Variants in MCRIP2 observed in about 807,000 individuals in gnomAD.
MCRIP2 encodes the protein MAPK regulated corepressor interacting protein 2.
A neutral mutation model predicts 23.2 loss-of-function variants in MCRIP2; 21 were observed. The ratio of observed to expected loss-of-function variants is 0.90; its 90% CI spans 0.64 to 1.30. The LOEUF (loss-of-function observed/expected upper bound fraction) is 1.30. Among genes scored for constraint, MCRIP2 ranks in the 50% most tolerant of loss-of-function variants. MCRIP2 has a pLI of 0.00. For missense variants in MCRIP2, 234 were observed against 223.2 expected (o/e 1.05, Z -0.31); for synonymous variants, 121 against 100.2 (o/e 1.21, Z -1.24).
intron 2 of MCRIP2, among the ~76,000 whole-genome samples, chr16:643,531 CTGT>C (rs1376341213): frequency 6.8e-6 from 1 of 146,760 alleles, no homozygotes; most frequent in Non-Finnish European, 1.5e-5. Context: ...GGCCCACTGG[CTGT>C]TGTCTCTTTT....
intron 2 of MCRIP2, chr16:643,043 G>C (rs57929030): frequency 0.017 from 2,621 of 152,456 alleles, 58 homozygotes; most frequent in African/African-American, 0.056. Context: ...AGCTACAGGT[G>C]GGGGGGTGCC....
chr16:642,858 G>A (rs1388025775), intron 2 of MCRIP2: 4 of 152,346 alleles, frequency 2.6e-5, no homozygotes, highest in African/African-American at 9.6e-5. Context: ...AGCCCCGCAG[G>A]GCTGGACGTT....
At chr16:647,907 C>T in intron 4 of MCRIP2, 23 bp downstream of exon 4, 2 of 1,394,608 alleles carry the variant, frequency 1.4e-6, no homozygotes, top group Non-Finnish European at 2.0e-6. Context: ...ACCCTGTCCC[C>T]CCAGGAGAGA....
chr16:642,108 C>T lies in MCRIP2; in HGVS notation c.53-12C>T, dbSNP rs1277738492. 6 of 1,337,182 alleles carry T rather than the reference C, an allele frequency of 4.5e-6. No individual in the cohort carries two copies. Among genetic ancestry groups the T allele is most frequent in the South Asian group, 3.7e-5 (2 of 53,896 alleles). 82.8% of individuals were successfully genotyped at this position (1,337,182 alleles called of 1,614,324 possible). A position where few individuals can be genotyped will look rare whatever the true frequency, so the allele number is the denominator to read the frequency against. ...GGCGCGGCGGCGGCTGACCGCCCCC[C>T]GGTGCCCGCAGGTCCCACGCAGCAG... On this transcript the variant is annotated splice_polypyrimidine_tract_variant and intron_variant, in intron 1 of 4. Transcript: ENST00000307650.
At chr16:645,643 A>T (rs1023282862) in intron 2 of MCRIP2, 6 of 152,246 alleles carry the variant, frequency 3.9e-5, no homozygotes, top group African/African-American at 1.2e-4. Context: ...AAGTAATAAG[A>T]TGAAACGGGG....
At position 644,673 on chromosome 16, in the gene MCRIP2, C is replaced by T. The variant is rs551328207; in HGVS notation, c.182+2424C>T. On this transcript the variant is annotated intron_variant, in intron 2 of 4. Coordinates refer to ENST00000307650, the MANE Select transcript of MCRIP2 (RefSeq NM_138418.4). ...CAGGGTAGTATTCAATTCCTGGGCT[C>T]GAGCAATTCTCCCGCCTTGGCCTGT... Among the ~76,000 whole-genome samples the T allele has an allele frequency of 7.9e-5, 12 of 152,214 alleles. No homozygotes were observed. In the South Asian group the frequency reaches 1.0e-3, roughly 13 times the overall value.
chr16:642,234 C>T lies in MCRIP2; in HGVS notation c.167C>T (p.Pro56Leu). The T allele has an allele frequency of 8.2e-7, 1 of 1,217,240 alleles. No homozygotes were observed. The highest frequency in any genetic ancestry group is 1.0e-6 in the Non-Finnish European group (1 of 979,514). 75.4% of individuals were successfully genotyped at this position (1,217,240 alleles called of 1,614,324 possible). A position where few individuals can be genotyped will look rare whatever the true frequency, so the allele number is the denominator to read the frequency against. ...RAQPFAQPPG[P>L]WPLSSPGPRL... is the part of the protein sequence containing the mutation. ...CAGCCCTTTGCGCAGCCGCCGGGACCCTGGCCCCTGTCGAGGTGAGACGCG... is the reference window on the plus strand; with the variant it reads ...CAGCCCTTTGCGCAGCCGCCGGGACTCTGGCCCCTGTCGAGGTGAGACGCG... The change falls in exon 2 of 5, where the codon CCC (proline) becomes CTC (leucine). Residue 56 changes from proline to leucine, a missense_variant. Physicochemically the swap from Pro to Leu is moderately conservative, Grantham distance 98 (BLOSUM62 -3). Transcript: ENST00000307650.
intron 3 of MCRIP2, 31 bp from the exon 4 acceptor site, chr16:647,752 C>A: frequency 6.5e-7 from 1 of 1,544,364 alleles, no homozygotes; most frequent in Non-Finnish European, 8.8e-7. Context: ...TGCCTGGGAC[C>A]TGGCTCAGCC....
chr16:643,696 C>T (rs2037407574), intron 2 of MCRIP2, among the ~76,000 whole-genome samples: 1 of 151,734 alleles, frequency 6.6e-6, no homozygotes, highest in African/African-American at 2.4e-5. Flanking sequence ...AGGTGCGTGC[C>T]ACCATGCCCG....
intron 2 of MCRIP2, chr16:642,457 G>C: frequency 3.1e-6 from 1 of 327,580 alleles, no homozygotes; most frequent in Non-Finnish European, 4.9e-6. Flanking sequence ...CACCTGGCCG[G>C]GCCCGGGCCC....
chr16:648,247 G>A lies in MCRIP2; in HGVS notation c.*57G>A. The A allele has an allele frequency of 6.5e-7, 1 of 1,530,420 alleles. No homozygotes were observed. 94.8% of individuals were successfully genotyped at this position (1,530,420 alleles called of 1,614,324 possible). A position where few individuals can be genotyped will look rare whatever the true frequency, so the allele number is the denominator to read the frequency against. Reference sequence around the variant, plus strand: ...CGACCTGTCGCCAGGAGAGAAGCATGGCGCCCTGCCCACCCACTGCGCCTG... The same window carrying A: ...CGACCTGTCGCCAGGAGAGAAGCATAGCGCCCTGCCCACCCACTGCGCCTG... On this transcript the variant is annotated 3_prime_UTR_variant, in exon 5 of 5. Transcript: ENST00000307650.
At chr16:643,024 GT>G (rs1344935507) in intron 2 of MCRIP2, 1 of 152,524 alleles carries the variant, frequency 6.6e-6, no homozygotes, top group Non-Finnish European at 1.5e-5. Context: ...CGGGCCAGGA[GT>G]TCAGGGCAGC....
At position 641,842 on chromosome 16, in the gene MCRIP2, G is replaced by A. The variant is rs913271400; in HGVS notation, c.-150G>A. On this transcript the variant is annotated 5_prime_UTR_variant, in exon 1 of 5. Transcript: ENST00000307650. Reference sequence around the variant, plus strand: ...GCGCCGCCTCCGCCGCGTGTCCGGGGTCAGCCCGAGCCCGTGCGGGCCCTT... The same window carrying A: ...GCGCCGCCTCCGCCGCGTGTCCGGGATCAGCCCGAGCCCGTGCGGGCCCTT... 33 of 665,290 alleles carry A rather than the reference G, an allele frequency of 5.0e-5. No individual in the cohort carries two copies. The highest frequency in any genetic ancestry group is 6.7e-5 in the Non-Finnish European group (32 of 478,568). The allele number at this position is 665,290 out of a possible 1,614,324, so 41.2% of individuals were successfully genotyped here.
chr16:647,933 G>T (rs777421830), intron 4 of MCRIP2, 49 bp downstream of exon 4: 3 of 1,267,428 alleles, frequency 2.4e-6, no homozygotes, highest in East Asian at 2.6e-5. Context: ...CAGCCCCTCT[G>T]ATCCTGACCC....
rs1013490705 is a variant in MCRIP2, at chr16:643,757, C to T, written c.182+1508C>T. Among the ~76,000 whole-genome samples, 7 of 152,116 alleles carry T rather than the reference C, an allele frequency of 4.6e-5. No homozygotes were observed. In the East Asian group the frequency reaches 7.7e-4, roughly 17 times the overall value. On this transcript the variant is annotated intron_variant, in intron 2 of 4. Coordinates refer to ENST00000307650, the MANE Select transcript of MCRIP2 (RefSeq NM_138418.4). ...CCATGTTGGCCAGGATGGGCTCGAT[C>T]TCCTGACCTCATGATCCACCCGCCT...
At position 642,221 on chromosome 16, in the gene MCRIP2, C is replaced by T; in HGVS notation, c.154C>T (p.Gln52Ter). Residue 52 changes from glutamine (Q) to a stop codon, truncating the protein, a stop_gained, in exon 2 of 5, where the codon CAG becomes TAG. Transcript: ENST00000307650. LOFTEE classifies it high-confidence loss of function. ...GCCCCCGCGGGCGCAGCCCTTTGCG[C>T]AGCCGCCGGGACCCTGGCCCCTGTC... ...SQPPRAQPFA[Q>*]PPGPWPLSSP... is the part of the protein sequence containing the mutation. 2 of 1,260,714 alleles carry T rather than the reference C, an allele frequency of 1.6e-6. No individual in the cohort carries two copies. The highest frequency in any genetic ancestry group is 2.0e-6 in the Non-Finnish European group (2 of 1,003,362). The allele number at this position is 1,260,714 out of a possible 1,614,324, so 78.1% of individuals were successfully genotyped here.
chr16:643,570 A>G (rs1181424834), intron 2 of MCRIP2, among the ~76,000 whole-genome samples: 1 of 134,924 alleles, frequency 7.4e-6, no homozygotes, highest in East Asian at 2.2e-4. Flanking sequence ...TTGGAGACAG[A>G]GTCTCCATCT....
At chr16:643,398 A>C (rs1357521188) in intron 2 of MCRIP2, among the ~76,000 whole-genome samples, 8 of 152,020 alleles carry the variant, frequency 5.3e-5, no homozygotes. Context: ...TCTCTCTCCA[A>C]GACCCCACTG....
chr16:642,921 C>T (rs1056555782), intron 2 of MCRIP2: 1 of 152,746 alleles, frequency 6.5e-6, no homozygotes, highest in African/African-American at 2.4e-5. Context: ...GTGCCTCTCC[C>T]AGGCCTGTGG....
Sources: gnomAD v4.1 joint callset for allele counts (sites outside exome capture counted in the v4.1 genomes callset) on GRCh38, gnomAD v4.1.1 for gene constraint, MANE v1.5 for transcripts, NCBI Gene and HGNC (gene_info 2026-07-23, HGNC 2026-07-21) for gene names.